CCDC178: variants seen among roughly 807,000 people sequenced by gnomAD.
CCDC178 encodes coiled-coil domain containing 178.
In CCDC178, 126 loss-of-function variants were observed where a neutral mutation model predicts 117.4. That is an observed-to-expected ratio of 1.07 (90% confidence interval 0.93 to 1.24). The LOEUF (loss-of-function observed/expected upper bound fraction) is 1.24, where lower values mean the gene tolerates loss of function less well. Among genes scored for constraint, CCDC178 ranks in the 50% most tolerant of loss-of-function variants. The probability of loss-of-function intolerance (pLI) is 0.00; values close to 1 mark genes in which losing one functional copy is unlikely to be tolerated. For synonymous variants in CCDC178, 283 were observed against 313.4 expected, an observed-to-expected ratio of 0.90 and a Z score of 1.02; for missense variants, 1,030 against 986.9, an observed-to-expected ratio of 1.04 and a Z score of -0.59.
At chr18:33,057,566 A>G (rs1374457911) in intron 21 of CCDC178, among the ~76,000 whole-genome samples, 2 of 152,116 alleles carry the variant, frequency 1.3e-5, no homozygotes, top group East Asian at 3.9e-4. Context: ...ATCTGGGCTC[A>G]CTGCAACCTC....
At chr18:33,171,321 C>A (rs781726908) in intron 20 of CCDC178, among the ~76,000 whole-genome samples, 11 of 152,184 alleles carry the variant, frequency 7.2e-5, no homozygotes, top group Non-Finnish European at 1.6e-4. Flanking sequence ...ATTCACTCTT[C>A]CTGATACTTA....
At chr18:33,192,925 G>GA (rs1352121169) in intron 20 of CCDC178, among the ~76,000 whole-genome samples, 1 of 142,560 alleles carries the variant, frequency 7.0e-6, no homozygotes, top group African/African-American at 2.6e-5. Flanking sequence ...AGAAAAAGAA[G>GA]AAAAAATTCT....
At chr18:33,151,126 G>A (rs2058337304) in intron 20 of CCDC178, among the ~76,000 whole-genome samples, 1 of 152,106 alleles carries the variant, frequency 6.6e-6, no homozygotes, top group Non-Finnish European at 1.5e-5. Context: ...AAAAGACTAT[G>A]TATTGAGTAC....
intron 20 of CCDC178, among the ~76,000 whole-genome samples, chr18:33,127,458 TG>T (rs1395036567): frequency 1.3e-5 from 2 of 152,162 alleles, no homozygotes; most frequent in Non-Finnish European, 2.9e-5. Context: ...TTTTTTGAGA[TG>T]GAGTCTCACT....
At chr18:33,173,788 G>A (rs1462407291) in intron 20 of CCDC178, among the ~76,000 whole-genome samples, 1 of 152,086 alleles carries the variant, frequency 6.6e-6, no homozygotes, top group African/African-American at 2.4e-5. Flanking sequence ...AGTGTGTCCT[G>A]GGTTCGTCTG....
At chr18:33,344,756 TC>T in intron 9 of CCDC178, among the ~76,000 whole-genome samples, 1 of 150,176 alleles carries the variant, frequency 6.7e-6, no homozygotes, top group Middle Eastern at 3.4e-3. Flanking sequence ...ATCCAGAATT[TC>T]CCAGGGTGTC....
At chr18:32,996,769 A>G (rs1472749073) in intron 21 of CCDC178, among the ~76,000 whole-genome samples, 1 of 152,058 alleles carries the variant, frequency 6.6e-6, no homozygotes, top group East Asian at 1.9e-4. Flanking sequence ...GATGCACTTG[A>G]CTGCAAGCAA....
chr18:32,938,429 A>G (rs531833211), intron 22 of CCDC178: 1 of 182,006 alleles, frequency 5.5e-6, no homozygotes, highest in East Asian at 1.4e-4. Context: ...GAGAAAGTGA[A>G]ATTTTGGTTA....
intron 18 of CCDC178, among the ~76,000 whole-genome samples, chr18:33,217,906 T>C (rs2059185647): frequency 6.6e-6 from 1 of 152,008 alleles, no homozygotes; most frequent in African/African-American, 2.4e-5. Flanking sequence ...TACAAGTTAA[T>C]TAAGAAACAA....
intron 2 of CCDC178, among the ~76,000 whole-genome samples, chr18:33,414,898 A>G (rs1171169824): frequency 6.6e-6 from 1 of 152,226 alleles, no homozygotes; most frequent in East Asian, 1.9e-4. Context: ...AAGGATATGA[A>G]CAGACACTTC....
intron 21 of CCDC178, among the ~76,000 whole-genome samples, chr18:32,978,718 CAGA>C (rs963906387): frequency 9.9e-5 from 15 of 152,038 alleles, no homozygotes; most frequent in Admixed American, 2.6e-4. Flanking sequence ...AATAAAAAAG[CAGA>C]AGGACAAAAG....
At chr18:33,156,112 G>A (rs867718878) in intron 20 of CCDC178, among the ~76,000 whole-genome samples, 1 of 126,864 alleles carries the variant, frequency 7.9e-6, no homozygotes, top group South Asian at 2.6e-4. Context: ...TTTTTGAGAC[G>A]GAGTCTCGCA....
At chr18:33,024,728 C>T (rs2056189777) in intron 21 of CCDC178, among the ~76,000 whole-genome samples, 1 of 151,818 alleles carries the variant, frequency 6.6e-6, no homozygotes, top group South Asian at 2.1e-4. Context: ...ACTGCAAGCT[C>T]CACCTCCCGG....
intron 20 of CCDC178, among the ~76,000 whole-genome samples, chr18:33,171,050 C>CT (rs2058593587): frequency 6.6e-6 from 1 of 152,074 alleles, no homozygotes; most frequent in Admixed American, 6.6e-5. Context: ...TCTGTTTTTG[C>CT]TTTTTTTCCC....
chr18:33,372,336 G>T (rs1197053939), intron 5 of CCDC178, among the ~76,000 whole-genome samples: 1 of 152,062 alleles, frequency 6.6e-6, no homozygotes, highest in African/African-American at 2.4e-5. Context: ...AAAGACAGCT[G>T]AACTAGGTGT....
chr18:33,282,319 G>A (rs1251105815), intron 12 of CCDC178, among the ~76,000 whole-genome samples: 1 of 152,184 alleles, frequency 6.6e-6, no homozygotes, highest in Non-Finnish European at 1.5e-5. Context: ...TTTGGAGCGA[G>A]AGCATCTGTA....
At chr18:33,303,448 T>C (rs1394149734) in intron 11 of CCDC178, among the ~76,000 whole-genome samples, 2 of 152,138 alleles carry the variant, frequency 1.3e-5, no homozygotes, top group African/African-American at 4.8e-5. Flanking sequence ...TCCAAACCCA[T>C]AGAATGTACA....
intron 15 of CCDC178, among the ~76,000 whole-genome samples, chr18:33,243,353 G>A (rs2059510505): frequency 6.6e-6 from 1 of 151,602 alleles, no homozygotes; most frequent in African/African-American, 2.4e-5. Flanking sequence ...GGATCACTAT[G>A]GTTAAGAATA....
chr18:32,946,215 A>G (rs1038093114), intron 22 of CCDC178, among the ~76,000 whole-genome samples: 10 of 152,146 alleles, frequency 6.6e-5, no homozygotes, highest in African/African-American at 2.4e-4. Context: ...GACACTGTTG[A>G]TGAGCTAACC....
Sources: allele counts gnomAD v4.1 joint callset (sites outside exome capture counted in the v4.1 genomes callset), GRCh38; gene constraint gnomAD v4.1.1; transcripts MANE v1.5; gene names NCBI Gene and HGNC (gene_info 2026-07-23, HGNC 2026-07-21).